TRAM2: variants seen among roughly 807,000 people sequenced by gnomAD.
The protein encoded by TRAM2 is translocating chain-associated membrane protein 2.
TRAM2 carries 12 observed loss-of-function variants against 51.0 expected under a neutral mutation model. That is an observed-to-expected ratio of 0.24 (90% CI 0.15 to 0.38). The LOEUF is 0.38. TRAM2 is among the 10% of genes least tolerant of loss of function. The pLI, the probability that TRAM2 is intolerant of heterozygous loss-of-function variation, is 1.00. For missense variants in TRAM2, 361 were observed against 462.0 expected, an observed-to-expected ratio of 0.78 and a Z score of 2.00; for synonymous variants, 175 against 179.4, an observed-to-expected ratio of 0.98 and a Z score of 0.20.
chr6:52,524,109 T>C (rs1248401145), intron 2 of TRAM2: 1 of 152,174 alleles, frequency 6.6e-6, no homozygotes, highest in Non-Finnish European at 1.5e-5. Context: ...GATTTATGAA[T>C]CAGAATACCA....
In TRAM2 at chr6:52,554,264, C is replaced by G. The variant is rs114603467; in HGVS notation, c.121-18418G>C. Reference sequence around the variant, plus strand: ...AGTGGGCCAGGCGCGGTGACTCCCACCTCTAATCCCAGCACTTTGGGAAGT... The same window carrying G: ...AGTGGGCCAGGCGCGGTGACTCCCAGCTCTAATCCCAGCACTTTGGGAAGT... On this transcript the variant is annotated intron_variant, in intron 1 of 10. Coordinates refer to ENST00000182527, the MANE Select transcript of TRAM2 (RefSeq NM_012288.4). 9.2e-3 allele frequency among the ~76,000 whole-genome samples: 1,396 copies of G among 152,226 alleles called. 21 individuals are homozygous for G. The highest frequency in any genetic ancestry group is 0.032 in the African/African-American group (1,315 of 41,530).
intron 6 of TRAM2, 68 bp downstream of exon 6, chr6:52,508,166 C>A: frequency 2.1e-6 from 3 of 1,440,508 alleles, no homozygotes; most frequent in Admixed American, 1.8e-5. Context: ...AGGGAGGTAC[C>A]CCTGGGAATA....
chr6:52,530,708 T>C (rs1405372437), intron 2 of TRAM2, among the ~76,000 whole-genome samples: 1 of 152,090 alleles, frequency 6.6e-6, no homozygotes, highest in Non-Finnish European at 1.5e-5. Context: ...TCCCAGAGCC[T>C]TCCAAGGAGC....
At chr6:52,538,740 G>C (rs1277718589) in intron 1 of TRAM2, among the ~76,000 whole-genome samples, 3 of 152,124 alleles carry the variant, frequency 2.0e-5, no homozygotes, top group Non-Finnish European at 4.4e-5. Context: ...GAGAACTTTT[G>C]CATTTTTTTT....
chr6:52,560,565 A>G (rs1298287571), intron 1 of TRAM2, among the ~76,000 whole-genome samples: 2 of 152,110 alleles, frequency 1.3e-5, no homozygotes, highest in African/African-American at 4.8e-5. Flanking sequence ...TTGTAGGTGG[A>G]TATTTGGGTT....
In TRAM2 at chr6:52,498,471, A is replaced by G. The variant is rs1766134751; in HGVS notation, c.*4726T>C. The G allele has an allele frequency of 6.6e-6, 1 of 152,244 alleles. No individual in the cohort carries two copies. 9.4% of individuals were successfully genotyped at this position (152,244 alleles called of 1,614,324 possible). The stretch of plus-strand genomic sequence containing the variant: ...GCTGAATGGGAAGCAAAATAGACCA[A>G]AAGAGGTTACGGCAAGTGGGCCTTT... On this transcript the variant is annotated 3_prime_UTR_variant, in exon 11 of 11. Transcript: ENST00000182527.
intron 1 of TRAM2, among the ~76,000 whole-genome samples, chr6:52,560,175 C>T (rs753049243): frequency 8.6e-5 from 13 of 150,638 alleles, no homozygotes; most frequent in South Asian, 6.3e-4. Context: ...ACCTGGGAGG[C>T]GAAGGAGGTT....
At chr6:52,505,196 T>C (rs1043585569) in intron 9 of TRAM2, among the ~76,000 whole-genome samples, 6 of 152,218 alleles carry the variant, frequency 3.9e-5, no homozygotes, top group Non-Finnish European at 8.8e-5. Context: ...ATCACTCTCC[T>C]GGGCCTAGGG....
At chr6:52,531,947 A>G (rs1170449633) in intron 2 of TRAM2, among the ~76,000 whole-genome samples, 1 of 152,174 alleles carries the variant, frequency 6.6e-6, no homozygotes, top group Non-Finnish European at 1.5e-5. Flanking sequence ...AGGCACACAA[A>G]TATTTGCCTA....
intron 1 of TRAM2, among the ~76,000 whole-genome samples, chr6:52,562,806 T>A (rs1035810873): frequency 1.3e-5 from 2 of 152,118 alleles, no homozygotes; most frequent in African/African-American, 2.4e-5. Context: ...ACATGTGGTG[T>A]TTGGTTTTGT....
At chr6:52,529,025 G>C (rs112366093) in intron 2 of TRAM2, among the ~76,000 whole-genome samples, 6,543 of 150,006 alleles carry the variant, frequency 0.044, 434 homozygotes, top group African/African-American at 0.14. Context: ...CGAGCAGCTG[G>C]GACTACAAGT....
At chr6:52,505,895 G>GA (rs1422158587) in intron 8 of TRAM2, 137 bp downstream of exon 8, 8 of 1,401,584 alleles carry the variant, frequency 5.7e-6, no homozygotes, top group Non-Finnish European at 6.8e-6. Flanking sequence ...AGATGTTCCA[G>GA]AAAAAAATAA....
At chr6:52,503,709 A>C (rs1766285224) in intron 10 of TRAM2, among the ~76,000 whole-genome samples, 1 of 152,160 alleles carries the variant, frequency 6.6e-6, no homozygotes, top group African/African-American at 2.4e-5. Context: ...TCCCAGGAGC[A>C]GTGGCCACAG....
chr6:52,519,760 A>G (rs1025707135), intron 2 of TRAM2, among the ~76,000 whole-genome samples: 3 of 152,140 alleles, frequency 2.0e-5, no homozygotes, highest in Non-Finnish European at 4.4e-5. Flanking sequence ...GGATTGATGA[A>G]TGAATAAACA....
intron 1 of TRAM2, among the ~76,000 whole-genome samples, chr6:52,566,289 T>G (rs1177841284): frequency 6.6e-6 from 1 of 152,068 alleles, no homozygotes; most frequent in East Asian, 1.9e-4. Context: ...CTTGCCTGTG[T>G]CACATGAAAC....
chr6:52,508,444 G>A, intron 5 of TRAM2, 126 bp from the exon 6 acceptor site: 2 of 911,240 alleles, frequency 2.2e-6, no homozygotes, highest in Non-Finnish European at 3.4e-6. Context: ...CAGGAGCAAG[G>A]GAGTTAGGCC....
intron 1 of TRAM2, among the ~76,000 whole-genome samples, chr6:52,549,619 G>A (rs1416445766): frequency 6.6e-6 from 1 of 152,176 alleles, no homozygotes; most frequent in African/African-American, 2.4e-5. Flanking sequence ...TCAAAGACTA[G>A]TAGTAATTAG....
At chr6:52,545,919 C>A (rs1224993493) in intron 1 of TRAM2, among the ~76,000 whole-genome samples, 1 of 152,152 alleles carries the variant, frequency 6.6e-6, no homozygotes, top group Non-Finnish European at 1.5e-5. Flanking sequence ...CCCAGCACCA[C>A]CATCCCAGGT....
chr6:52,528,042 G>T (rs1434697004), intron 2 of TRAM2, among the ~76,000 whole-genome samples: 1 of 152,142 alleles, frequency 6.6e-6, no homozygotes, highest in African/African-American at 2.4e-5. Flanking sequence ...GTGGCTGTTT[G>T]GCTCAACAGG....
Sources: allele counts gnomAD v4.1 joint callset (sites outside exome capture counted in the v4.1 genomes callset), GRCh38; gene constraint gnomAD v4.1.1; transcripts MANE v1.5; gene names NCBI Gene and HGNC (gene_info 2026-07-23, HGNC 2026-07-21).